Variants in AUTS2 observed in about 807,000 individuals in gnomAD.
AUTS2 encodes the protein activator of transcription and developmental regulator AUTS2, also known as autism susceptibility gene 2 protein.
Under a neutral mutation model 112.4 loss-of-function variants are expected in AUTS2, and 17 were observed. That is an observed-to-expected ratio of 0.15 (90% confidence interval 0.10 to 0.23). The LOEUF (loss-of-function observed/expected upper bound fraction) is 0.23, where lower values mean the gene tolerates loss of function less well. Ranked by LOEUF, AUTS2 falls within the 10% of genes least tolerant of loss-of-function variation. AUTS2 has a pLI of 1.00. For synonymous variants in AUTS2, 751 were observed against 702.7 expected (o/e 1.07, Z -1.09); for missense variants, 1,510 against 1,701.6 (o/e 0.89, Z 1.98).
intron 4 of AUTS2, among the ~76,000 whole-genome samples, chr7:70,373,532 T>C (rs1471292743): frequency 2.0e-5 from 3 of 152,172 alleles, no homozygotes; most frequent in African/African-American, 7.2e-5. Flanking sequence ...TCCCAAACTA[T>C]CTTTCTGTTT....
intron 5 of AUTS2, among the ~76,000 whole-genome samples, chr7:70,696,397 C>T (rs558661237): frequency 2.4e-4 from 37 of 152,296 alleles, no homozygotes; most frequent in Non-Finnish European, 4.4e-4. Flanking sequence ...CCCCCTTTCC[C>T]AGTTGCAAGA....
chr7:70,033,532 C>A (rs1800871873), intron 2 of AUTS2, among the ~76,000 whole-genome samples: 1 of 152,106 alleles, frequency 6.6e-6, no homozygotes, highest in Admixed American at 6.5e-5. Flanking sequence ...TGGCAAATAT[C>A]AGATACTCCT....
chr7:69,659,698 A>C (rs1178143113), intron 1 of AUTS2, among the ~76,000 whole-genome samples: 1 of 148,632 alleles, frequency 6.7e-6, no homozygotes, highest in East Asian at 2.0e-4. Context: ...ACCCAAATCT[A>C]GCTGACTCCA....
intron 5 of AUTS2, among the ~76,000 whole-genome samples, chr7:70,496,685 T>A (rs1300004081): frequency 6.8e-4 from 34 of 49,982 alleles, no homozygotes; most frequent in South Asian, 1.5e-3. Context: ...CACACCCCAC[T>A]CACACCACGT....
intron 1 of AUTS2, among the ~76,000 whole-genome samples, chr7:69,816,907 A>G (rs987790343): frequency 2.0e-4 from 31 of 152,298 alleles, no homozygotes; most frequent in South Asian, 1.7e-3. Context: ...TCTTGGTGGC[A>G]TGGGCTTTGA....
At chr7:70,077,021 A>G (rs1013350868) in intron 2 of AUTS2, among the ~76,000 whole-genome samples, 2 of 152,170 alleles carry the variant, frequency 1.3e-5, no homozygotes, top group Non-Finnish European at 1.5e-5. Flanking sequence ...AAGGGCTGTC[A>G]TGTAGAAGAG....
At chr7:70,492,565 T>A (rs1359656362) in intron 5 of AUTS2, among the ~76,000 whole-genome samples, 1 of 152,194 alleles carries the variant, frequency 6.6e-6, no homozygotes, top group Non-Finnish European at 1.5e-5. Flanking sequence ...GTGGGTATTT[T>A]CTCTAGAAAC....
chr7:70,115,129 G>C (rs10261851), intron 2 of AUTS2, among the ~76,000 whole-genome samples: 3 of 152,146 alleles, frequency 2.0e-5, no homozygotes, highest in Non-Finnish European at 4.4e-5. Context: ...TCAACATTTA[G>C]TCAGATAATT....
At chr7:70,431,543 G>C (rs375143284) in intron 4 of AUTS2, among the ~76,000 whole-genome samples, 1 of 152,028 alleles carries the variant, frequency 6.6e-6, no homozygotes, top group Non-Finnish European at 1.5e-5. Context: ...GTGCCACCAC[G>C]CCCGGCTAAT....
intron 1 of AUTS2, among the ~76,000 whole-genome samples, chr7:69,652,209 C>T (rs912613159): frequency 3.3e-5 from 5 of 151,962 alleles, no homozygotes; most frequent in African/African-American, 1.2e-4. Context: ...GGTGAGCAGG[C>T]ATTTTAACTT....
At chr7:70,498,331 A>G (rs1798639202) in intron 5 of AUTS2, among the ~76,000 whole-genome samples, 1 of 152,188 alleles carries the variant, frequency 6.6e-6, no homozygotes, top group Non-Finnish European at 1.5e-5. Flanking sequence ...GGCTTCCTGC[A>G]CTTGGGGAGC....
chr7:70,120,207 G>C (rs937085406), intron 3 of AUTS2: 1 of 152,040 alleles, frequency 6.6e-6, no homozygotes, highest in African/African-American at 2.4e-5. Context: ...AAGTTTGTGA[G>C]GTTTATGATG....
At chr7:70,506,505 T>C (rs1798967734) in intron 5 of AUTS2, among the ~76,000 whole-genome samples, 2 of 152,232 alleles carry the variant, frequency 1.3e-5, no homozygotes, top group African/African-American at 2.4e-5. Flanking sequence ...TGCCTATTAC[T>C]GCCTCTCACT....
chr7:70,286,002 A>G (rs1325041877), intron 4 of AUTS2, among the ~76,000 whole-genome samples: 5 of 152,222 alleles, frequency 3.3e-5, no homozygotes, highest in African/African-American at 7.2e-5. Context: ...ATTTGAGCTG[A>G]TATCTATTGG....
At chr7:70,051,733 C>A (rs1801765705) in intron 2 of AUTS2, among the ~76,000 whole-genome samples, 2 of 152,086 alleles carry the variant, frequency 1.3e-5, no homozygotes, top group Non-Finnish European at 2.9e-5. Context: ...AAAACAGATT[C>A]ACTTGTGGAA....
chr7:70,207,094 C>T (rs1311413009), intron 4 of AUTS2, among the ~76,000 whole-genome samples: 2 of 152,098 alleles, frequency 1.3e-5, no homozygotes, highest in African/African-American at 4.8e-5. Flanking sequence ...CTTTTAAGGT[C>T]CTTCAAATAA....
intron 4 of AUTS2, among the ~76,000 whole-genome samples, chr7:70,277,520 T>C (rs948838775): frequency 2.6e-5 from 4 of 152,098 alleles, no homozygotes; most frequent in Non-Finnish European, 5.9e-5. Context: ...ATTCTAAGGG[T>C]CCCTTGCACT....
chr7:70,277,137 G>T (rs2129609845), intron 4 of AUTS2, among the ~76,000 whole-genome samples: 1 of 152,326 alleles, frequency 6.6e-6, no homozygotes, highest in South Asian at 2.1e-4. Context: ...TTTGGAGTTT[G>T]ATGGACTCCT....
intron 14 of AUTS2, among the ~76,000 whole-genome samples, chr7:70,780,419 T>C (rs1248494053): frequency 8.1e-6 from 1 of 123,096 alleles, no homozygotes; most frequent in Non-Finnish European, 2.0e-5. Context: ...ACACAAGAGT[T>C]TGTTTTTTTT....
Sources: allele counts gnomAD v4.1 joint callset (sites outside exome capture counted in the v4.1 genomes callset), GRCh38; gene constraint gnomAD v4.1.1; transcripts MANE v1.5; gene names NCBI Gene and HGNC (gene_info 2026-07-23, HGNC 2026-07-21).